ESRRG: variants seen among roughly 807,000 people sequenced by gnomAD.
ESRRG encodes the protein estrogen related receptor gamma.
Under a neutral mutation model 44.0 loss-of-function variants are expected in ESRRG, and 13 were observed. That is an observed-to-expected ratio of 0.30 (90% CI 0.19 to 0.47). The LOEUF (loss-of-function observed/expected upper bound fraction) is 0.47, where lower values mean the gene tolerates loss of function less well. ESRRG is among the 20% of genes least tolerant of loss of function. The pLI is 1.00. For synonymous variants in ESRRG, 215 were observed against 214.6 expected, an observed-to-expected ratio of 1.00 and a Z score of -0.02; for missense variants, 395 against 580.6, an observed-to-expected ratio of 0.68 and a Z score of 3.29.
chr1:216,546,350 C>G lies in ESRRG; in HGVS notation c.862+17869G>C, dbSNP rs12081231. 8.5e-3 allele frequency among the ~76,000 whole-genome samples: 1,286 copies of G among 151,572 alleles called. 17 individuals are homozygous for G. The highest frequency in any genetic ancestry group is 0.03 in the African/African-American group (1,244 of 41,282). ...TCAAAAAAGCTTGTCTGGGTCTGTGCAGCATTTTTGGAAACCTAATCTACA... is the reference window on the plus strand; with the variant it reads ...TCAAAAAAGCTTGTCTGGGTCTGTGGAGCATTTTTGGAAACCTAATCTACA... On this transcript the variant is annotated intron_variant, in intron 5 of 6. Transcript: ENST00000408911.
At chr1:217,075,595 C>A (rs1008042770) in intron 1 of ESRRG, among the ~76,000 whole-genome samples, 3 of 147,066 alleles carry the variant, frequency 2.0e-5, no homozygotes, top group Non-Finnish European at 3.0e-5. Flanking sequence ...CCTTTCCCCC[C>A]CCCAACATTA....
At chr1:216,732,305 C>T (rs1456897226) in intron 2 of ESRRG, among the ~76,000 whole-genome samples, 4 of 152,034 alleles carry the variant, frequency 2.6e-5, no homozygotes, top group Admixed American at 2.6e-4. Context: ...ATAGATGACA[C>T]TGAGATTCAA....
At chr1:216,628,337 C>T (rs764610845) in intron 3 of ESRRG, among the ~76,000 whole-genome samples, 1 of 152,170 alleles carries the variant, frequency 6.6e-6, no homozygotes, top group Non-Finnish European at 1.5e-5. Flanking sequence ...TCACTGCAGA[C>T]TTGCACTCCT....
intron 1 of ESRRG, among the ~76,000 whole-genome samples, chr1:216,991,709 A>T (rs947334349): frequency 6.6e-6 from 1 of 151,048 alleles, no homozygotes; most frequent in African/African-American, 2.4e-5. Flanking sequence ...TCCTTGAAGA[A>T]CAAGAAACAG....
At chr1:216,958,789 C>T (rs982577174) in intron 1 of ESRRG, among the ~76,000 whole-genome samples, 1 of 152,124 alleles carries the variant, frequency 6.6e-6, no homozygotes, top group African/African-American at 2.4e-5. Context: ...TGCTTAGACT[C>T]TTCATTATCC....
intron 1 of ESRRG, among the ~76,000 whole-genome samples, chr1:216,713,059 G>T (rs903627156): frequency 6.6e-6 from 1 of 151,992 alleles, no homozygotes; most frequent in African/African-American, 2.4e-5. Context: ...TTGCTTAATC[G>T]AATACTATTG....
chr1:216,919,558 G>T (rs11572512), intron 2 of ESRRG, among the ~76,000 whole-genome samples: 1,522 of 152,164 alleles, frequency 0.01, 26 homozygotes, highest in African/African-American at 0.035. Context: ...CTTCAATAAC[G>T]CATTAAAACA....
chr1:217,132,017 G>T (rs1246581406), intron 1 of ESRRG, among the ~76,000 whole-genome samples: 1 of 152,202 alleles, frequency 6.6e-6, no homozygotes, highest in Non-Finnish European at 1.5e-5. Context: ...AGATTAGGAA[G>T]ACCCCATTGC....
chr1:216,703,654 G>C (rs949869256), intron 1 of ESRRG, among the ~76,000 whole-genome samples: 4 of 102,102 alleles, frequency 3.9e-5, no homozygotes, highest in African/African-American at 1.7e-4. Flanking sequence ...TTCAAAGCTG[G>C]ATAGATGTGT....
chr1:216,999,676 G>T (rs2076784011), intron 1 of ESRRG, among the ~76,000 whole-genome samples: 1 of 152,184 alleles, frequency 6.6e-6, no homozygotes, highest in Admixed American at 6.5e-5. Context: ...TGTTCGTTCA[G>T]CAAACATTGG....
intron 6 of ESRRG, among the ~76,000 whole-genome samples, 159 bp downstream of exon 6, chr1:216,518,984 ATATTTTTCT>A (rs1299772359): frequency 6.6e-6 from 1 of 152,172 alleles, no homozygotes; most frequent in Non-Finnish European, 1.5e-5. Flanking sequence ...CCCTTTAAGT[ATATTTTTCT>A]TATTTCTAAC....
intron 2 of ESRRG, among the ~76,000 whole-genome samples, chr1:216,838,255 T>A (rs1374847014): frequency 2.6e-5 from 4 of 152,180 alleles, no homozygotes; most frequent in African/African-American, 9.7e-5. Context: ...CAAGTAAAAA[T>A]TGGTTCTCAC....
chr1:216,647,357 T>C (rs1263711252), intron 3 of ESRRG, among the ~76,000 whole-genome samples: 1 of 152,196 alleles, frequency 6.6e-6, no homozygotes, highest in Admixed American at 6.5e-5. Context: ...TTTTTCAGGA[T>C]GCTGAATGGT....
intron 2 of ESRRG, among the ~76,000 whole-genome samples, chr1:216,782,339 C>T (rs2093965174): frequency 6.6e-6 from 1 of 152,072 alleles, no homozygotes; most frequent in South Asian, 2.1e-4. Context: ...TTCCTTCCTT[C>T]TTGGGGTGAT....
At chr1:217,063,504 A>T (rs2088992982) in intron 1 of ESRRG, among the ~76,000 whole-genome samples, 1 of 152,172 alleles carries the variant, frequency 6.6e-6, no homozygotes, top group African/African-American at 2.4e-5. Flanking sequence ...TTATCACATC[A>T]GTTAGGTTAC....
At chr1:216,881,183 C>A (rs912279383) in intron 2 of ESRRG, among the ~76,000 whole-genome samples, 4 of 151,868 alleles carry the variant, frequency 2.6e-5, no homozygotes, top group East Asian at 1.9e-4. Flanking sequence ...CCTAAATAAA[C>A]CCTCAATTTT....
intron 2 of ESRRG, among the ~76,000 whole-genome samples, chr1:216,829,214 C>T (rs1459953933): frequency 6.6e-6 from 1 of 152,034 alleles, no homozygotes; most frequent in Admixed American, 6.6e-5. Flanking sequence ...CTGAAGAGCA[C>T]CAGAGCTCCT....
intron 3 of ESRRG, among the ~76,000 whole-genome samples, chr1:216,597,409 G>A (rs6676237): frequency 0.016 from 2,425 of 152,284 alleles, 76 homozygotes; most frequent in African/African-American, 0.055. Flanking sequence ...GTTGAGTTGC[G>A]AAGGTGTCTG....
At chr1:216,688,301 A>G (rs777715965) in intron 1 of ESRRG, among the ~76,000 whole-genome samples, 4 of 152,224 alleles carry the variant, frequency 2.6e-5, no homozygotes, top group Non-Finnish European at 4.4e-5. Flanking sequence ...CTGTCAAGAC[A>G]GGATTGTTGT....
Sources: allele counts gnomAD v4.1 joint callset (sites outside exome capture counted in the v4.1 genomes callset), GRCh38; gene constraint gnomAD v4.1.1; transcripts MANE v1.5; gene names NCBI Gene and HGNC (gene_info 2026-07-23, HGNC 2026-07-21).